STIM1: variants seen among roughly 807,000 people sequenced by gnomAD.
The protein encoded by STIM1 is stromal interaction molecule 1.
A neutral mutation model predicts 74.7 loss-of-function variants in STIM1; 25 were observed. That is an observed-to-expected ratio of 0.33 (90% CI 0.24 to 0.47). STIM1 has a LOEUF of 0.47. Ranked by LOEUF, STIM1 falls within the 20% of genes least tolerant of loss-of-function variation. The pLI is 1.00. For synonymous variants in STIM1, 328 were observed against 348.8 expected, an observed-to-expected ratio of 0.94 and a Z score of 0.66; for missense variants, 728 against 920.8, an observed-to-expected ratio of 0.79 and a Z score of 2.71.
Position 3,868,904 on chromosome 11 carries a change from A to C in STIM1, c.139+12495A>C, listed in dbSNP as rs191287192. Among the ~76,000 whole-genome samples the C allele has an allele frequency of 3.3e-5, 5 of 152,284 alleles. No individual in the cohort carries two copies. The East Asian group carries it at 7.7e-4, about 23-fold the overall frequency. ...GTAGAAGGACTCAATATAGCAGGAG[A>C]ATTAAGATGTATGGTCACATTTTAT... On this transcript the variant is annotated intron_variant, in intron 1 of 12. Coordinates refer to ENST00000526596, the MANE Select transcript of STIM1 (RefSeq NM_001382567.1).
intron 1 of STIM1, among the ~76,000 whole-genome samples, chr11:3,864,463 C>A (rs1281121205): frequency 6.6e-6 from 1 of 152,110 alleles, no homozygotes; most frequent in Non-Finnish European, 1.5e-5. Context: ...TAAGCTAATT[C>A]ACATGGTTGT....
chr11:4,029,700 G>C (rs1002525676), intron 3 of STIM1, among the ~76,000 whole-genome samples: 12 of 152,160 alleles, frequency 7.9e-5, no homozygotes, highest in African/African-American at 2.9e-4. Flanking sequence ...CTGGCACCCT[G>C]AGCTGCCGAG....
At chr11:3,926,296 C>G (rs971306566) in intron 1 of STIM1, among the ~76,000 whole-genome samples, 1 of 152,122 alleles carries the variant, frequency 6.6e-6, no homozygotes, top group African/African-American at 2.4e-5. Flanking sequence ...CTCAGGAAAA[C>G]TCATATGTGG....
At chr11:4,072,821 A>C (rs1033568658) in intron 6 of STIM1, among the ~76,000 whole-genome samples, 1 of 152,186 alleles carries the variant, frequency 6.6e-6, no homozygotes, top group East Asian at 1.9e-4. Flanking sequence ...GATATTCAGC[A>C]AGGGAAGGAG....
At chr11:4,059,147 A>G (rs1565163286) in intron 4 of STIM1, 134 bp from the exon 5 acceptor site, 3 of 852,342 alleles carry the variant, frequency 3.5e-6, no homozygotes, top group Non-Finnish European at 5.8e-6. Flanking sequence ...ACTGGTATAG[A>G]CTCTGTGTTC....
intron 1 of STIM1, among the ~76,000 whole-genome samples, chr11:3,927,532 G>T (rs982594736): frequency 2.0e-5 from 3 of 152,022 alleles, no homozygotes; most frequent in Non-Finnish European, 4.4e-5. Context: ...AACCTTTTTC[G>T]CAGTTTGCCC....
At chr11:3,959,007 C>G (rs1684100932) in intron 1 of STIM1, among the ~76,000 whole-genome samples, 1 of 151,382 alleles carries the variant, frequency 6.6e-6, no homozygotes, top group South Asian at 2.1e-4. Context: ...CCTTACTCCT[C>G]CCTCACCTCA....
chr11:3,885,528 A>C (rs1488427224), intron 1 of STIM1, among the ~76,000 whole-genome samples: 1 of 152,192 alleles, frequency 6.6e-6, no homozygotes, highest in African/African-American at 2.4e-5. Context: ...TTGGTTTAAC[A>C]CAATTGTAGA....
intron 1 of STIM1, chr11:3,868,232 A>G (rs2090943006): frequency 6.6e-6 from 1 of 152,222 alleles, no homozygotes; most frequent in South Asian, 2.1e-4. Flanking sequence ...CATATCTCTG[A>G]AGAGATAAAT....
rs79733243 is a variant in STIM1 at position 4,075,666 on chromosome 11, T to G, written c.969+987T>G. ...GGGTTGTCTGCAGTTTTGTTGACTT[T>G]TATGAATAATATTGCTATGAACCTT... On this transcript the variant is annotated intron_variant, in intron 7 of 12. Transcript: ENST00000526596. Among the ~76,000 whole-genome samples the G allele has an allele frequency of 2.3e-3, 349 of 152,350 alleles. 2 individuals are homozygous for G. The highest frequency in any genetic ancestry group is 3.4e-3 in the Non-Finnish European group (231 of 68,032).
At chr11:4,084,796 T>C in intron 11 of STIM1, 31 bp downstream of exon 11, 1 of 1,288,174 alleles carries the variant, frequency 7.8e-7, no homozygotes, top group Non-Finnish European at 1.0e-6. Context: ...GCATTTTGTT[T>C]TTCTGACTTT....
chr11:3,930,959 C>T (rs917688639), intron 1 of STIM1, among the ~76,000 whole-genome samples: 4 of 152,200 alleles, frequency 2.6e-5, no homozygotes, highest in African/African-American at 9.7e-5. Context: ...GTACTAGGCC[C>T]TGCTAATCAG....
chr11:3,934,686 C>T (rs1274202293), intron 1 of STIM1, among the ~76,000 whole-genome samples: 1 of 152,208 alleles, frequency 6.6e-6, no homozygotes. Flanking sequence ...TGATTGTGTA[C>T]AACTATCTTG....
chr11:3,940,351 G>A (rs1480210628), intron 1 of STIM1, among the ~76,000 whole-genome samples: 2 of 152,154 alleles, frequency 1.3e-5, no homozygotes, highest in African/African-American at 4.8e-5. Flanking sequence ...TAAATAAAAT[G>A]CAAAATCAAA....
At chr11:3,958,265 T>G (rs1009833301) in intron 1 of STIM1, among the ~76,000 whole-genome samples, 4 of 152,196 alleles carry the variant, frequency 2.6e-5, no homozygotes, top group African/African-American at 9.7e-5. Flanking sequence ...TCCTAGCTAT[T>G]TGGGAGGCTG....
In STIM1 at chr11:3,870,113, C is replaced by G. The variant is rs7131500; in HGVS notation, c.139+13704C>G. Among the ~76,000 whole-genome samples, 1,228 of 152,290 alleles carry G rather than the reference C, an allele frequency of 8.1e-3. 9 individuals are homozygous for G. The highest frequency in any genetic ancestry group is 0.027 in the African/African-American group (1,126 of 41,550). ...ACAGGACTTCAGGAACCAAATAATT[C>G]TTTCTATGCTTATTTCACATTGCTA... On this transcript the variant is annotated intron_variant, in intron 1 of 12. Coordinates refer to ENST00000526596, the MANE Select transcript of STIM1 (RefSeq NM_001382567.1).
intron 6 of STIM1, among the ~76,000 whole-genome samples, chr11:4,071,593 G>A (rs2094404077): frequency 6.6e-6 from 1 of 152,204 alleles, no homozygotes; most frequent in Non-Finnish European, 1.5e-5. Context: ...GTCTACCTCA[G>A]CCTCCCAAAG....
chr11:3,917,545 C>T (rs2092663971), intron 1 of STIM1, among the ~76,000 whole-genome samples: 1 of 151,898 alleles, frequency 6.6e-6, no homozygotes, highest in Admixed American at 6.6e-5. Flanking sequence ...AACGATCCTC[C>T]CACCTCAGCT....
chr11:3,879,818 TGTGG>T (rs2091434111), intron 1 of STIM1, among the ~76,000 whole-genome samples: 1 of 152,138 alleles, frequency 6.6e-6, no homozygotes, highest in Non-Finnish European at 1.5e-5. Flanking sequence ...ACATCTACCT[TGTGG>T]GTTTTTAGGA....
Sources: allele counts gnomAD v4.1 joint callset (sites outside exome capture counted in the v4.1 genomes callset), GRCh38; gene constraint gnomAD v4.1.1; transcripts MANE v1.5; gene names NCBI Gene and HGNC (gene_info 2026-07-23, HGNC 2026-07-21).